The following PDPK1 variants were observed in gnomAD, a reference collection of about 807,000 sequenced individuals.
PDPK1 encodes 3-phosphoinositide-dependent protein kinase 1.
PDPK1 carries 7 observed loss-of-function variants against 39.8 expected under a neutral mutation model. The observed-to-expected ratio is 0.18, with a 90% confidence interval of 0.10 to 0.33. PDPK1 has a LOEUF of 0.33. Among genes scored for constraint, PDPK1 ranks in the 10% least tolerant of loss-of-function variants. The probability of loss-of-function intolerance (pLI) is 1.00; values close to 1 mark genes in which losing one functional copy is unlikely to be tolerated. For synonymous variants in PDPK1, 118 were observed against 159.1 expected (o/e 0.74, Z 1.95); for missense variants, 182 against 384.7 (o/e 0.47, Z 4.41).
chr16:2,538,874 A>C, intron 1 of PDPK1: 1 of 762,634 alleles, frequency 1.3e-6, no homozygotes, highest in South Asian at 1.8e-5. Flanking sequence ...CTATCGCTAA[A>C]AGTATCCCTC....
chr16:2,542,206 CTGG>C (rs2141935535), intron 1 of PDPK1, among the ~76,000 whole-genome samples: 1 of 152,368 alleles, frequency 6.6e-6, no homozygotes, highest in African/African-American at 2.4e-5. Flanking sequence ...GTCACGCAGG[CTGG>C]AGTACAGTGG....
intron 1 of PDPK1, among the ~76,000 whole-genome samples, chr16:2,543,760 C>T (rs1330701875): frequency 6.6e-6 from 1 of 152,194 alleles, no homozygotes; most frequent in Non-Finnish European, 1.5e-5. Flanking sequence ...CTTGCTCTGT[C>T]GCCCAGGCTG....
chr16:2,585,976 G>A (rs931793722), intron 10 of PDPK1, among the ~76,000 whole-genome samples: 4 of 152,210 alleles, frequency 2.6e-5, no homozygotes, highest in Admixed American at 2.0e-4. Flanking sequence ...CAGCCGGGGA[G>A]GTGGCTTCCC....
chr16:2,538,589 C>T (rs565275337), intron 1 of PDPK1: 1 of 1,286,592 alleles, frequency 7.8e-7, no homozygotes. Context: ...TTGCTGAAAG[C>T]ACCTGATGCT....
In PDPK1 at chr16:2,585,389, G is replaced by C. The variant is rs923411704; in HGVS notation, c.1126-1287G>C. 2.6e-5 allele frequency among the ~76,000 whole-genome samples: 4 copies of C among 152,314 alleles called. No homozygotes were observed. In the East Asian group the frequency reaches 5.8e-4, roughly 22 times the overall value. ...GGACAGTGAGTGAGTCTTGGCAAACGGTGTCAAGCATGGAAGGAGACTTCA... is the reference window on the plus strand; with the variant it reads ...GGACAGTGAGTGAGTCTTGGCAAACCGTGTCAAGCATGGAAGGAGACTTCA... On this transcript the variant is annotated intron_variant, in intron 10 of 13. Coordinates refer to ENST00000342085, the MANE Select transcript of PDPK1 (RefSeq NM_002613.5).
intron 1 of PDPK1, chr16:2,554,025 TACA>T (rs1315840242): frequency 7.3e-5 from 10 of 137,012 alleles, no homozygotes; most frequent in Non-Finnish European, 1.4e-4. Flanking sequence ...ATCTACCCTT[TACA>T]ACAATAGTAG....
intron 1 of PDPK1, among the ~76,000 whole-genome samples, chr16:2,553,027 G>A (rs1454959304): frequency 6.8e-6 from 1 of 146,320 alleles, no homozygotes; most frequent in Non-Finnish European, 1.5e-5. Context: ...TCCCTTGGGG[G>A]TGGTACGTGC....
At chr16:2,539,078 CTTTTTTTTT>C (rs57517702) in intron 1 of PDPK1, 38 of 146,330 alleles carry the variant, frequency 2.6e-4, no homozygotes, top group Non-Finnish European at 4.0e-4. Flanking sequence ...CAGGATGCGG[CTTTTTTTTT>C]TTTTTTTTTT....
intron 7 of PDPK1, chr16:2,580,111 G>C (rs958809981): frequency 6.7e-6 from 1 of 148,428 alleles, no homozygotes; most frequent in East Asian, 2.0e-4. Context: ...TATGCCATTC[G>C]AGTCACGTTG....
At chr16:2,591,690 G>A (rs371145297) in intron 11 of PDPK1, among the ~76,000 whole-genome samples, 1 of 152,304 alleles carries the variant, frequency 6.6e-6, no homozygotes, top group Non-Finnish European at 1.5e-5. Flanking sequence ...AGGTGGATGC[G>A]GGGACCCAGC....
chr16:2,544,684 C>A (rs2066305247), intron 1 of PDPK1, among the ~76,000 whole-genome samples: 2 of 151,326 alleles, frequency 1.3e-5, no homozygotes, highest in African/African-American at 2.4e-5. Flanking sequence ...CCTGGGTTCA[C>A]ACCATTCTCC....
At chr16:2,562,698 CA>C (rs2066630157) in intron 4 of PDPK1, 1 of 152,144 alleles carries the variant, frequency 6.6e-6, no homozygotes, top group South Asian at 2.1e-4. Flanking sequence ...GGCTTCCCGG[CA>C]GCAAGATGCG....
rs112022326 is a variant in PDPK1 at position 2,544,695 on chromosome 16, T to C, written c.24+6559T>C. Among the ~76,000 whole-genome samples the C allele has an allele frequency of 2.0e-5, 3 of 152,000 alleles. No individual in the cohort carries two copies. In the East Asian group the frequency reaches 5.8e-4, roughly 29 times the overall value. ...GCCTCCTGGGTTCACACCATTCTCC[T>C]GCCTCAGCCTCCCAAGTAGCTGGGA... On this transcript the variant is annotated intron_variant, in intron 1 of 13. Transcript: ENST00000342085.
chr16:2,597,355 GC>G lies in PDPK1; in HGVS notation c.1554+82del. On this transcript the variant is annotated intron_variant, in intron 13 of 13. Coordinates refer to ENST00000342085, the MANE Select transcript of PDPK1 (RefSeq NM_002613.5). The surrounding 1 kb of genome is among the most constrained non-coding windows in gnomAD (Gnocchi z 6.3). ...ACGTGGGAAGCAGCCACAGGCCTTG[GC>G]CAGAGGGAGCAGCGGGGATCGGGGC... The G allele has an allele frequency of 7.7e-7, 1 of 1,290,732 alleles. No homozygotes were observed. Among genetic ancestry groups the G allele is most frequent in the Non-Finnish European group, 1.1e-6 (1 of 923,214 alleles). The allele number at this position is 1,290,732 out of a possible 1,614,324, so 80.0% of individuals were successfully genotyped here. A position where few individuals can be genotyped will look rare whatever the true frequency, so the allele number is the denominator to read the frequency against.
intron 1 of PDPK1, among the ~76,000 whole-genome samples, chr16:2,550,421 C>T (rs2066393168): frequency 1.3e-5 from 1 of 79,230 alleles, no homozygotes; most frequent in African/African-American, 5.4e-5. Flanking sequence ...CTGGCCCCTC[C>T]CGTTCAGAGG....
rs1417284031 is a variant in PDPK1, at chr16:2,601,475, T to G, written c.*3708T>G. 4.3e-6 allele frequency: 1 copy of G among 234,492 alleles called. No individual in the cohort carries two copies. Among genetic ancestry groups the G allele is most frequent in the South Asian group, 1.8e-4 (1 of 5,514 alleles). The allele number at this position is 234,492 out of a possible 1,614,324, so 14.5% of individuals were successfully genotyped here. A position where few individuals can be genotyped will look rare whatever the true frequency, so the allele number is the denominator to read the frequency against. ...GGCTTTCAAGCGCTTGGCAGAATCT[T>G]GTACTTCGTGTCCACAATGGTACTG... On this transcript the variant is annotated 3_prime_UTR_variant, in exon 14 of 14. Transcript: ENST00000342085.
Position 2,593,252 on chromosome 16 carries a change from T to A in PDPK1, c.1344-2541T>A. 1 of 362,822 alleles carries A rather than the reference T, an allele frequency of 2.8e-6. No individual in the cohort carries two copies. Among genetic ancestry groups the A allele is most frequent in the South Asian group, 2.1e-5 (1 of 47,994 alleles). 22.5% of individuals were successfully genotyped at this position (362,822 alleles called of 1,614,324 possible). A position where few individuals can be genotyped will look rare whatever the true frequency, so the allele number is the denominator to read the frequency against. ...TGTCACTGAATTCCTCTTCTGGGAATTTTTAGTTTGTGTCATTTTGTTGAG... is the reference window on the plus strand; with the variant it reads ...TGTCACTGAATTCCTCTTCTGGGAAATTTTAGTTTGTGTCATTTTGTTGAG... On this transcript the variant is annotated intron_variant, in intron 11 of 13. Transcript: ENST00000342085. The surrounding 1 kb of genome is among the most constrained non-coding windows in gnomAD (Gnocchi z 4.2).
At chr16:2,541,926 CTTCTCTTAGTGAGGAGAAAGG>C in intron 1 of PDPK1, among the ~76,000 whole-genome samples, 1 of 151,992 alleles carries the variant, frequency 6.6e-6, no homozygotes, top group South Asian at 2.1e-4. Context: ...TGTGTGTTCT[CTTCTCTTAGTGAGGAGAAAGG>C]CCTGTTTGGG....
intron 1 of PDPK1, among the ~76,000 whole-genome samples, chr16:2,545,718 C>T (rs1567145212): frequency 6.6e-6 from 1 of 152,186 alleles, no homozygotes; most frequent in Non-Finnish European, 1.5e-5. Context: ...TGGTCGCGAA[C>T]TCCTAATGTC....
Sources: gnomAD v4.1 joint callset for allele counts (sites outside exome capture counted in the v4.1 genomes callset) on GRCh38, gnomAD v4.1.1 for gene constraint, Gnocchi (gnomAD v3.1) non-coding constraint, MANE v1.5 for transcripts, NCBI Gene and HGNC (gene_info 2026-07-23, HGNC 2026-07-21) for gene names.